MARCHF5: variants seen among roughly 807,000 people sequenced by gnomAD.
MARCHF5 encodes E3 ubiquitin-protein ligase MARCHF5.
In MARCHF5, 5 loss-of-function variants were observed where a neutral mutation model predicts 36.5. The observed-to-expected ratio is 0.14, with a 90% CI of 0.07 to 0.29. The LOEUF (loss-of-function observed/expected upper bound fraction) is 0.29, where lower values mean the gene tolerates loss of function less well. Ranked by LOEUF, MARCHF5 falls within the 10% of genes least tolerant of loss-of-function variation. MARCHF5 has a pLI of 1.00. For synonymous variants in MARCHF5, 103 were observed against 109.9 expected (o/e 0.94, Z 0.39); for missense variants, 179 against 336.3 (o/e 0.53, Z 3.66).
At chr10:92,308,357 G>A (rs1843102649) in intron 1 of MARCHF5, 4 of 152,254 alleles carry the variant, frequency 2.6e-5, no homozygotes. Flanking sequence ...TCACTCGTGA[G>A]CATCTTGGTT....
chr10:92,295,688 G>A (rs1335966964), intron 1 of MARCHF5, among the ~76,000 whole-genome samples: 6 of 151,600 alleles, frequency 4.0e-5, no homozygotes, highest in Non-Finnish European at 7.4e-5. Context: ...GATTACAGGC[G>A]TGAGCCACCG....
chr10:92,333,596 A>G, intron 2 of MARCHF5: 1 of 947,868 alleles, frequency 1.1e-6, no homozygotes, highest in South Asian at 4.9e-5. Flanking sequence ...ACAAGAACAT[A>G]AAGTACTAAC....
At chr10:92,320,538 A>C (rs1277259276) in intron 2 of MARCHF5, among the ~76,000 whole-genome samples, 1 of 152,076 alleles carries the variant, frequency 6.6e-6, no homozygotes, top group Non-Finnish European at 1.5e-5. Flanking sequence ...GATGGAAGAC[A>C]ATGATATTAA....
At chr10:92,344,482 A>T (rs908108047) in intron 3 of MARCHF5, among the ~76,000 whole-genome samples, 11 of 147,700 alleles carry the variant, frequency 7.4e-5, no homozygotes, top group Non-Finnish European at 1.2e-4. Flanking sequence ...ACTTGAAAAG[A>T]TTTTTTTTTT....
chr10:92,308,948 G>A lies in MARCHF5; in HGVS notation c.36-2187G>A, dbSNP rs564871956. Among the ~76,000 whole-genome samples, 9 of 152,112 alleles carry A rather than the reference G, an allele frequency of 5.9e-5. No individual in the cohort carries two copies. In the East Asian group the frequency reaches 1.2e-3, roughly 20 times the overall value. Reference sequence around the variant, plus strand: ...TCTCAATCTCCTGACCTTGTGATCCGCCCGCTTCAGCCTCCCAAAGTGCTG... The same window carrying A: ...TCTCAATCTCCTGACCTTGTGATCCACCCGCTTCAGCCTCCCAAAGTGCTG... On this transcript the variant is annotated intron_variant, in intron 1 of 5. Transcript: ENST00000358935.
chr10:92,330,127 G>A (rs1339324868), intron 2 of MARCHF5, among the ~76,000 whole-genome samples: 1 of 152,190 alleles, frequency 6.6e-6, no homozygotes, highest in Non-Finnish European at 1.5e-5. Context: ...ACAGGCATGA[G>A]CCACCATGCC....
In MARCHF5 at chr10:92,327,412, C is replaced by G. The variant is rs544441555; in HGVS notation, c.239-13261C>G. 3.3e-5 allele frequency among the ~76,000 whole-genome samples: 5 copies of G among 151,034 alleles called. No individual in the cohort carries two copies. The South Asian group carries it at 1.0e-3, about 32-fold the overall frequency. ...ATTACTTATATAATCAGTCTTCCTCCATTGATGGACATACAGGCTTGTTTC... is the reference window on the plus strand; with the variant it reads ...ATTACTTATATAATCAGTCTTCCTCGATTGATGGACATACAGGCTTGTTTC... On this transcript the variant is annotated intron_variant, in intron 2 of 5. Coordinates refer to ENST00000358935, the MANE Select transcript of MARCHF5 (RefSeq NM_017824.5).
At position 92,291,358 on chromosome 10, in the gene MARCHF5, G is replaced by A. The variant is rs1160848608; in HGVS notation, c.-137G>A. ...CCGCCGCCGCCAGGCTAGCGGAGCT[G>A]CCCCGGGAAGCTGGGTGACGGGTTC... On this transcript the variant is annotated 5_prime_UTR_variant, in exon 1 of 6. Transcript: ENST00000358935. 2.6e-6 allele frequency: 2 copies of A among 783,968 alleles called. No homozygotes were observed. The highest frequency in any genetic ancestry group is 4.3e-6 in the Non-Finnish European group (2 of 467,930). The allele number at this position is 783,968 out of a possible 1,614,324, so 48.6% of individuals were successfully genotyped here. A position where few individuals can be genotyped will look rare whatever the true frequency, so the allele number is the denominator to read the frequency against.
intron 1 of MARCHF5, among the ~76,000 whole-genome samples, chr10:92,306,453 A>G (rs1843073814): frequency 6.6e-6 from 1 of 152,174 alleles, no homozygotes; most frequent in African/African-American, 2.4e-5. Context: ...CATAGAAAGC[A>G]TGGGATACTA....
At chr10:92,295,411 TTTA>T (rs1564941064) in intron 1 of MARCHF5, among the ~76,000 whole-genome samples, 13 of 141,726 alleles carry the variant, frequency 9.2e-5, no homozygotes, top group Admixed American at 4.3e-4. Context: ...TTATTTATTT[TTTA>T]TTTTTTTTTT....
intron 1 of MARCHF5, among the ~76,000 whole-genome samples, chr10:92,295,629 C>T (rs569824942): frequency 6.6e-6 from 1 of 151,530 alleles, no homozygotes; most frequent in Non-Finnish European, 1.5e-5. Context: ...AGGATGGTCT[C>T]GATCTCCTGA....
intron 5 of MARCHF5, among the ~76,000 whole-genome samples, chr10:92,350,514 A>G (rs1843703804): frequency 1.3e-5 from 2 of 152,242 alleles, no homozygotes; most frequent in Non-Finnish European, 2.9e-5. Context: ...TTGTCGGGTA[A>G]TTGTCAGTCC....
chr10:92,306,701 C>T (rs1179942669), intron 1 of MARCHF5, among the ~76,000 whole-genome samples: 9 of 152,108 alleles, frequency 5.9e-5, no homozygotes, highest in African/African-American at 2.2e-4. Context: ...ATTATAAGAC[C>T]TTCCCAGGTG....
intron 2 of MARCHF5, among the ~76,000 whole-genome samples, chr10:92,324,616 C>T (rs1590658535): frequency 1.3e-5 from 2 of 152,306 alleles, no homozygotes; most frequent in East Asian, 3.9e-4. Flanking sequence ...CCCGGCCTCT[C>T]ATTTTCTAAT....
intron 2 of MARCHF5, among the ~76,000 whole-genome samples, chr10:92,312,989 A>T (rs952365978): frequency 6.6e-6 from 1 of 152,258 alleles, no homozygotes; most frequent in African/African-American, 2.4e-5. Flanking sequence ...TAATCCCAGC[A>T]CTTTGGGAGG....
intron 1 of MARCHF5, among the ~76,000 whole-genome samples, chr10:92,308,948 G>T (rs564871956): frequency 6.6e-6 from 1 of 152,112 alleles, no homozygotes; most frequent in African/African-American, 2.4e-5. Context: ...CTTGTGATCC[G>T]CCCGCTTCAG....
chr10:92,316,216 C>A (rs1843207608), intron 2 of MARCHF5, among the ~76,000 whole-genome samples: 1 of 151,886 alleles, frequency 6.6e-6, no homozygotes, highest in South Asian at 2.1e-4. Context: ...TGCTAGCTGG[C>A]CAATTCTGCA....
At chr10:92,320,174 C>T (rs1480555866) in intron 2 of MARCHF5, among the ~76,000 whole-genome samples, 1 of 151,762 alleles carries the variant, frequency 6.6e-6, no homozygotes, top group East Asian at 1.9e-4. Flanking sequence ...CTGCTTCAGC[C>T]TCCCAAATAG....
At chr10:92,350,124 A>G in intron 5 of MARCHF5, 1 of 298,848 alleles carries the variant, frequency 3.3e-6, no homozygotes, top group Non-Finnish European at 6.2e-6. Flanking sequence ...CTTTACGATC[A>G]GACCACCTGG....
Sources: gnomAD v4.1 joint callset for allele counts (sites outside exome capture counted in the v4.1 genomes callset) on GRCh38, gnomAD v4.1.1 for gene constraint, MANE v1.5 for transcripts, NCBI Gene and HGNC (gene_info 2026-07-23, HGNC 2026-07-21) for gene names.